The following DROSHA variants were observed in gnomAD, a reference collection of about 807,000 sequenced individuals.
DROSHA encodes drosha ribonuclease III, also known as ribonuclease 3.
DROSHA carries 56 observed loss-of-function variants against 181.9 expected under a neutral mutation model. The observed-to-expected ratio is 0.31, with a 90% CI of 0.25 to 0.38. DROSHA has a LOEUF of 0.38. Ranked by LOEUF, DROSHA falls within the 10% of genes least tolerant of loss-of-function variation. The pLI, the probability that DROSHA is intolerant of heterozygous loss-of-function variation, is 1.00. For missense variants in DROSHA, 1,218 were observed against 1,743.5 expected (o/e 0.70, Z 5.37); for synonymous variants, 524 against 591.2 (o/e 0.89, Z 1.65).
At chr5:31,486,459 T>C (rs934410882) in intron 14 of DROSHA, 32 bp downstream of exon 14, 5 of 1,605,774 alleles carry the variant, frequency 3.1e-6, no homozygotes, top group Non-Finnish European at 4.2e-6. Flanking sequence ...AAGAGCAAAC[T>C]ACATCAAACC....
In DROSHA at chr5:31,405,715, T is replaced by C; in HGVS notation, c.3956A>G (p.Gln1319Arg). ...IGCGKGPSIQ[Q>R]AEMGAAMDAL... is the part of the protein sequence containing the mutation. ...ATCCATTGCTGCTCCCATTTCCGCT[T>C]GCTGAATACTATTAAATAAAATAAA... The change falls in exon 35 of 36, where the codon CAA (glutamine) becomes CGA (arginine). Residue 1319 changes from glutamine to arginine, a missense_variant. Coordinates refer to ENST00000344624, the MANE Select transcript of DROSHA (RefSeq NM_001382508.1). The C allele has an allele frequency of 6.4e-7, 1 of 1,552,814 alleles. No individual in the cohort carries two copies.
intron 35 of DROSHA, among the ~76,000 whole-genome samples, chr5:31,404,084 ATT>A (rs57056439): frequency 3.4e-4 from 49 of 144,566 alleles, no homozygotes; most frequent in East Asian, 2.0e-3. Context: ...AGCCTGGCTA[ATT>A]TTTTTTTTTT....
At position 31,526,085 on chromosome 5, in the gene DROSHA, C is replaced by T. The variant is rs1434934578; in HGVS notation, c.848G>A (p.Arg283Gln). 3 of 1,585,346 alleles carry T rather than the reference C, an allele frequency of 1.9e-6. No homozygotes were observed. Among genetic ancestry groups the T allele is most frequent in the Middle Eastern group, 1.7e-4 (1 of 5,962 alleles). The change falls in exon 5 of 36, where the codon CGG (arginine) becomes CAG (glutamine). Residue 283 changes from arginine (R) to glutamine (Q), a missense_variant. This residue lies in a region of DROSHA where 536 missense variants were observed against 535.4 expected (regional missense o/e 1.00). Coordinates refer to ENST00000344624, the MANE Select transcript of DROSHA (RefSeq NM_001382508.1). ...RTPSRHRSYE[R>Q]SRERERERHR... ...CTACACACAAGCGGTTTACCTGCTC[C>T]GTTCGTAGCTGCGGTGGCGAGATGG... is the stretch of plus-strand genomic sequence containing the variant.
At position 31,431,589 on chromosome 5, in the gene DROSHA, A is replaced by C. The variant is rs776346705; in HGVS notation, c.3132T>G (p.Phe1044Leu). The stretch of plus-strand genomic sequence containing the variant: ...GAGAGAAATTACCTATTAACGCTTC[A>C]AAACAATTGGCCATTGCATGTCGAA... ...SDLRHAMANC[F>L]EALIGAVYLE... The change falls in exon 26 of 36, where the codon TTT becomes TTG. Residue 1044 changes from phenylalanine (F) to leucine (L), a missense_variant. Around this residue, in one of 8 missense-constraint regions of DROSHA, gnomAD observed 71 missense variants for 95.2 expected, o/e 0.75. Coordinates refer to ENST00000344624, the MANE Select transcript of DROSHA (RefSeq NM_001382508.1). The C allele has an allele frequency of 6.2e-7, 1 of 1,613,858 alleles. No homozygotes were observed. The highest frequency in any genetic ancestry group is 1.3e-5 in the African/African-American group (1 of 74,930).
rs769080086 is a variant in DROSHA at position 31,409,991 on chromosome 5, ATCTC to A, written c.3668-663_3668-660del. ...TGAGCTAAAAAAAAAAAAAAGAATGATCTCTCTGTTTAATTTTTATGTGATTTTC... is the reference window on the plus strand; with the variant it reads ...TGAGCTAAAAAAAAAAAAAAGAATGATCTGTTTAATTTTTATGTGATTTTC... On this transcript the variant is annotated intron_variant, in intron 31 of 35. Coordinates refer to ENST00000344624, the MANE Select transcript of DROSHA (RefSeq NM_001382508.1). This position sits in a 1 kb window ranked among gnomAD's most constrained non-coding sequence, Gnocchi z 4.0. 6.6e-5 allele frequency among the ~76,000 whole-genome samples: 10 copies of A among 151,740 alleles called. No homozygotes were observed. The South Asian group carries it at 1.7e-3, about 25-fold the overall frequency.
chr5:31,442,247 T>C (rs1032741652), intron 23 of DROSHA, among the ~76,000 whole-genome samples: 2 of 152,236 alleles, frequency 1.3e-5, no homozygotes, highest in African/African-American at 4.8e-5. Flanking sequence ...ATCTACATTA[T>C]GACTAAACTC....
At chr5:31,463,892 T>C (rs779895023) in intron 20 of DROSHA, among the ~76,000 whole-genome samples, 1 of 152,140 alleles carries the variant, frequency 6.6e-6, no homozygotes, top group Non-Finnish European at 1.5e-5. Context: ...GGATTATCTC[T>C]TTTGTATAAG....
At chr5:31,493,936 ATTGTGTGTGTGTGT>A (rs760920759) in intron 12 of DROSHA, among the ~76,000 whole-genome samples, 23 of 127,710 alleles carry the variant, frequency 1.8e-4, no homozygotes, top group East Asian at 6.8e-4. Context: ...ATAACCCACC[ATTGTGTGTGTGTGT>A]GTGTGTGTGT....
chr5:31,475,019 T>C (rs746098858), intron 16 of DROSHA, among the ~76,000 whole-genome samples: 45 of 152,276 alleles, frequency 3.0e-4, no homozygotes, highest in Middle Eastern at 3.4e-3. Context: ...TCCAAGTCAG[T>C]CTCAAAACAC....
chr5:31,480,455 C>T (rs888488468), intron 16 of DROSHA, among the ~76,000 whole-genome samples: 5 of 151,858 alleles, frequency 3.3e-5, no homozygotes, highest in South Asian at 4.2e-4. Flanking sequence ...GTCTCAGCAG[C>T]GACTGGAAAG....
At chr5:31,493,084 T>C in intron 13 of DROSHA, 123 bp downstream of exon 13, 1 of 1,013,514 alleles carries the variant, frequency 9.9e-7, no homozygotes, top group Non-Finnish European at 1.5e-6. Context: ...TCATTTACAA[T>C]ACAGAGGGAT....
chr5:31,458,489 CAG>C (rs1172597598), intron 20 of DROSHA, among the ~76,000 whole-genome samples: 24 of 152,266 alleles, frequency 1.6e-4, no homozygotes, highest in African/African-American at 5.8e-4. Context: ...TGAAGAAAGA[CAG>C]AATTTGAATA....
intron 20 of DROSHA, among the ~76,000 whole-genome samples, chr5:31,452,150 C>T (rs992924194): frequency 1.3e-5 from 2 of 152,118 alleles, no homozygotes; most frequent in African/African-American, 4.8e-5. Context: ...AGGATTCATT[C>T]ATTCTGAAAC....
At chr5:31,527,454 TCTTTGTCCTCCC>T (rs1401136978) in intron 4 of DROSHA, 4 of 155,594 alleles carry the variant, frequency 2.6e-5, no homozygotes, top group Non-Finnish European at 5.7e-5. Flanking sequence ...CTTTGCCCCT[TCTTTGTCCTCCC>T]CTTTACAGTC....
chr5:31,513,176 T>G (rs1181787093), intron 8 of DROSHA, among the ~76,000 whole-genome samples: 3 of 152,126 alleles, frequency 2.0e-5, no homozygotes, highest in Admixed American at 2.0e-4. Context: ...ACTAGAAGAA[T>G]GCTCACCCAA....
chr5:31,405,767 C>CTTTTTG, intron 34 of DROSHA, 44 bp from the exon 35 acceptor site: 1 of 467,790 alleles, frequency 2.1e-6, no homozygotes, highest in Non-Finnish European at 3.2e-6. Flanking sequence ...TTTCAAGATT[C>CTTTTTG]TTTTTTTTTT....
intron 18 of DROSHA, 102 bp downstream of exon 18, chr5:31,467,837 T>C: frequency 6.9e-7 from 1 of 1,444,020 alleles, no homozygotes; most frequent in Non-Finnish European, 9.3e-7. Flanking sequence ...TTTCAGGTCT[T>C]AATTTTTAAA....
chr5:31,479,602 T>C (rs1024933911), intron 16 of DROSHA, among the ~76,000 whole-genome samples: 2 of 151,978 alleles, frequency 1.3e-5, no homozygotes, highest in African/African-American at 4.8e-5. Context: ...TATCTATAAA[T>C]TGGACTACAT....
intron 13 of DROSHA, among the ~76,000 whole-genome samples, chr5:31,489,866 A>G (rs1440649117): frequency 2.1e-5 from 3 of 141,682 alleles, no homozygotes; most frequent in Non-Finnish European, 4.6e-5. Flanking sequence ...TCATACATAT[A>G]CCTTACATTT....
Sources: allele counts gnomAD v4.1 joint callset (sites outside exome capture counted in the v4.1 genomes callset), GRCh38; gene constraint gnomAD v4.1.1; regional missense constraint gnomAD v4.1.1; non-coding constraint Gnocchi (gnomAD v3.1); transcripts MANE v1.5; gene names NCBI Gene and HGNC (gene_info 2026-07-23, HGNC 2026-07-21).